FMN1: variants seen among roughly 807,000 people sequenced by gnomAD.
The protein encoded by FMN1 is formin 1.
Under a neutral mutation model 132.4 loss-of-function variants are expected in FMN1, and 110 were observed. The ratio of observed to expected loss-of-function variants is 0.83; its 90% CI spans 0.71 to 0.97. The LOEUF (loss-of-function observed/expected upper bound fraction) is 0.97. Among genes scored for constraint, FMN1 ranks in the 50% least tolerant of loss-of-function variants. The pLI, the probability that FMN1 is intolerant of heterozygous loss-of-function variation, is 0.00. For missense variants in FMN1, 1,792 were observed against 1,705.3 expected, an observed-to-expected ratio of 1.05 and a Z score of -0.90; for synonymous variants, 722 against 651.7, an observed-to-expected ratio of 1.11 and a Z score of -1.64.
At chr15:32,799,679 G>C (rs186949577) in intron 18 of FMN1, among the ~76,000 whole-genome samples, 7 of 152,270 alleles carry the variant, frequency 4.6e-5, no homozygotes, top group Non-Finnish European at 8.8e-5. Context: ...CAATTTTCCA[G>C]AGTGGATTCC....
chr15:33,182,600 T>C (rs1159253460), intron 2 of FMN1, among the ~76,000 whole-genome samples: 3 of 152,200 alleles, frequency 2.0e-5, no homozygotes, highest in South Asian at 2.1e-4. Flanking sequence ...CCTCGAAGTA[T>C]ACAAGTGAAG....
At chr15:32,900,310 C>T (rs955676539) in intron 13 of FMN1, 185 bp from the exon 14 acceptor site, 3 of 710,458 alleles carry the variant, frequency 4.2e-6, no homozygotes, top group Non-Finnish European at 7.6e-6. Flanking sequence ...ACATTAACAG[C>T]CATTATTTTC....
chr15:32,961,554 T>G (rs968287717), intron 9 of FMN1, among the ~76,000 whole-genome samples: 7 of 152,154 alleles, frequency 4.6e-5, no homozygotes, highest in Non-Finnish European at 8.8e-5. Flanking sequence ...TTTCTGCTAC[T>G]ATTAAAAATA....
intron 2 of FMN1, among the ~76,000 whole-genome samples, chr15:33,186,933 C>G (rs1399552366): frequency 1.3e-5 from 2 of 152,154 alleles, no homozygotes; most frequent in Non-Finnish European, 2.9e-5. Flanking sequence ...TCCTTCAACC[C>G]AAAACTCCAG....
chr15:32,800,101 C>A (rs2057427715), intron 18 of FMN1, among the ~76,000 whole-genome samples: 1 of 152,086 alleles, frequency 6.6e-6, no homozygotes, highest in African/African-American at 2.4e-5. Context: ...GGTTATTGGG[C>A]AATATGTATC....
rs949272819 is a variant in FMN1 at position 33,008,016 on chromosome 15, G to A, written c.2221C>T (p.Gln741Ter). The A allele has an allele frequency of 6.3e-7, 1 of 1,599,368 alleles. No homozygotes were observed. The highest frequency in any genetic ancestry group is 8.5e-7 in the Non-Finnish European group (1 of 1,171,922). Reference sequence around the variant, plus strand: ...TCAGTAGCATCAAAGAGGCATACCTGCAGGTTTTCAATTTCTTCTTTGTGC... The same window carrying A: ...TCAGTAGCATCAAAGAGGCATACCTACAGGTTTTCAATTTCTTCTTTGTGC... The part of the protein sequence containing the change: ...REHKEEIENL[Q>*]AQFELRAFHI... Residue 741 changes from glutamine (Q) to a stop codon, truncating the protein, a stop_gained and splice_region_variant, in exon 7 of 21, where the codon CAG becomes TAG. Transcript: ENST00000616417. LOFTEE classifies it high-confidence loss of function.
chr15:32,787,496 T>A (rs1036309898), intron 19 of FMN1, among the ~76,000 whole-genome samples: 5 of 152,190 alleles, frequency 3.3e-5, no homozygotes, highest in African/African-American at 9.7e-5. Context: ...AGCAGGAAAG[T>A]AAGAATACCA....
intron 7 of FMN1, among the ~76,000 whole-genome samples, chr15:32,998,627 A>G (rs574888197): frequency 1.2e-4 from 19 of 152,314 alleles, no homozygotes; most frequent in African/African-American, 4.1e-4. Context: ...CATTTCATGA[A>G]GAGTCAAAAG....
At chr15:33,023,688 CA>C (rs1299118740) in intron 6 of FMN1, among the ~76,000 whole-genome samples, 5 of 151,902 alleles carry the variant, frequency 3.3e-5, no homozygotes, top group Non-Finnish European at 4.4e-5. Context: ...TAGGAAAGAG[CA>C]AATACTGAAG....
intron 5 of FMN1, chr15:33,067,349 T>C: frequency 6.2e-7 from 1 of 1,614,016 alleles, no homozygotes; most frequent in Non-Finnish European, 8.5e-7. Context: ...TTCTTTGGAC[T>C]CCTGAGATGG....
chr15:32,804,237 T>C, intron 18 of FMN1, 44 bp downstream of exon 18: 1 of 1,358,124 alleles, frequency 7.4e-7, no homozygotes. Context: ...TACAAAAGAA[T>C]GGCTAGTCAA....
intron 17 of FMN1, among the ~76,000 whole-genome samples, chr15:32,854,099 AAATG>A (rs1487377063): frequency 6.6e-6 from 1 of 152,256 alleles, no homozygotes; most frequent in East Asian, 1.9e-4. Flanking sequence ...ACTTACCTAT[AAATG>A]AATATTAATC....
chr15:33,002,830 AAG>A (rs1242503636), intron 7 of FMN1, among the ~76,000 whole-genome samples: 5 of 152,308 alleles, frequency 3.3e-5, no homozygotes, highest in African/African-American at 9.6e-5. Context: ...CAGATTAGAG[AAG>A]AGGGTTGCTG....
At chr15:32,961,584 A>C (rs111540718) in intron 9 of FMN1, among the ~76,000 whole-genome samples, 3 of 152,100 alleles carry the variant, frequency 2.0e-5, no homozygotes, top group African/African-American at 7.2e-5. Flanking sequence ...AACCAACCAA[A>C]CAAAAACCCA....
At chr15:32,868,293 C>T (rs2141358968) in intron 16 of FMN1, among the ~76,000 whole-genome samples, 1 of 152,264 alleles carries the variant, frequency 6.6e-6, no homozygotes, top group South Asian at 2.1e-4. Context: ...CAGCAGAATA[C>T]TGAATACAGT....
chr15:33,130,185 T>C (rs371658177), intron 4 of FMN1, among the ~76,000 whole-genome samples: 2 of 152,214 alleles, frequency 1.3e-5, no homozygotes, highest in South Asian at 4.1e-4. Context: ...CTTCCTCTTA[T>C]GCCAGTTAAG....
At position 32,951,260 on chromosome 15, in the gene FMN1, C is replaced by T. The variant is rs555865473; in HGVS notation, c.3138+12847G>A. 3.3e-5 allele frequency among the ~76,000 whole-genome samples: 5 copies of T among 152,276 alleles called. No homozygotes were observed. The East Asian group carries it at 9.6e-4, about 29-fold the overall frequency. On this transcript the variant is annotated intron_variant, in intron 9 of 20. Transcript: ENST00000616417. ...CATTCTTAAAATTGTATCACAAACA[C>T]AGGTTACCATGAAAGCAAAATACAA...
Position 32,989,714 on chromosome 15 carries a change from C to T in FMN1, c.2223+18300G>A, listed in dbSNP as rs541418494. Among the ~76,000 whole-genome samples the T allele has an allele frequency of 1.7e-4, 26 of 152,196 alleles. 1 individual carries two copies. The highest frequency in any genetic ancestry group is 6.8e-3 in the Middle Eastern group (2 of 294). The stretch of plus-strand genomic sequence containing the variant: ...TAATCGATAAGGTGGGCTGAATACA[C>T]GCAAGCTATGCTCAAGGCCTATGTT... On this transcript the variant is annotated intron_variant, in intron 7 of 20. Transcript: ENST00000616417.
chr15:32,994,946 A>C (rs2033675454), intron 7 of FMN1, among the ~76,000 whole-genome samples: 1 of 152,278 alleles, frequency 6.6e-6, no homozygotes, highest in Admixed American at 6.5e-5. Context: ...GTTTAAAGCA[A>C]AAACTCTTAG....
Sources: allele counts gnomAD v4.1 joint callset (sites outside exome capture counted in the v4.1 genomes callset), GRCh38; gene constraint gnomAD v4.1.1; transcripts MANE v1.5; gene names NCBI Gene and HGNC (gene_info 2026-07-23, HGNC 2026-07-21).